Variants in PSMD1 observed in about 807,000 individuals in gnomAD.
The protein encoded by PSMD1 is proteasome 26S subunit, non-ATPase 1, also known as 26S proteasome non-ATPase regulatory subunit 1.
In PSMD1, 18 loss-of-function variants were observed where a neutral mutation model predicts 119.0. The ratio of observed to expected loss-of-function variants is 0.15; its 90% CI spans 0.10 to 0.22. The LOEUF is 0.22. Among genes scored for constraint, PSMD1 ranks in the 10% least tolerant of loss-of-function variants. The probability of loss-of-function intolerance (pLI) is 1.00; values close to 1 mark genes in which losing one functional copy is unlikely to be tolerated. For missense variants in PSMD1, 702 were observed against 1,158.5 expected (o/e 0.61, Z 5.72); for synonymous variants, 374 against 396.6 (o/e 0.94, Z 0.68).
chr2:231,109,385 T>C, intron 16 of PSMD1: 1 of 1,613,962 alleles, frequency 6.2e-7, no homozygotes, highest in Non-Finnish European at 8.5e-7. Context: ...CTCTATCCCT[T>C]TAATAGGGAC....
At chr2:231,070,526 A>G (rs1271377608) in intron 6 of PSMD1, among the ~76,000 whole-genome samples, 1 of 152,136 alleles carries the variant, frequency 6.6e-6, no homozygotes, top group East Asian at 1.9e-4. Context: ...AAGAGAATTC[A>G]AAGTGTATAA....
intron 16 of PSMD1, among the ~76,000 whole-genome samples, chr2:231,087,632 A>C (rs1262159378): frequency 6.6e-6 from 1 of 152,144 alleles, no homozygotes; most frequent in Non-Finnish European, 1.5e-5. Flanking sequence ...ATAGTCATGG[A>C]GATGTCCTTG....
At chr2:231,133,021 T>C (rs1473899122) in intron 16 of PSMD1, among the ~76,000 whole-genome samples, 1 of 152,202 alleles carries the variant, frequency 6.6e-6, no homozygotes, top group East Asian at 1.9e-4. Flanking sequence ...TTTATTCCTT[T>C]CTTTGTGGGT....
chr2:231,087,702 C>T (rs1033107510), intron 16 of PSMD1, among the ~76,000 whole-genome samples: 1 of 152,110 alleles, frequency 6.6e-6, no homozygotes, highest in Admixed American at 6.6e-5. Context: ...GTAGCTCATG[C>T]CTGTAATCCC....
In PSMD1 at chr2:231,074,295, G is replaced by A. The variant is rs1375462638; in HGVS notation, c.882-1216G>A. On this transcript the variant is annotated intron_variant, in intron 7 of 24. Transcript: ENST00000308696. ...TAATTTTTATATTGTTAGTAGAGAC[G>A]GAGTTTCACCATATTGGCCAGGCTG... is the stretch of plus-strand genomic sequence containing the variant. Among the ~76,000 whole-genome samples the A allele has an allele frequency of 3.3e-5, 5 of 151,952 alleles. No homozygotes were observed. In the East Asian group the frequency reaches 5.8e-4, roughly 18 times the overall value.
intron 18 of PSMD1, among the ~76,000 whole-genome samples, chr2:231,146,848 C>G (rs1449433837): frequency 6.6e-6 from 1 of 152,128 alleles, no homozygotes; most frequent in African/African-American, 2.4e-5. Flanking sequence ...CATTGCCCTC[C>G]TAGGCGATCT....
At chr2:231,151,803 ATTTTTTTTTTTT>A (rs57347945) in intron 18 of PSMD1, among the ~76,000 whole-genome samples, 5 of 95,674 alleles carry the variant, frequency 5.2e-5, no homozygotes, top group African/African-American at 2.6e-4. Context: ...AAACATGAGA[ATTTTTTTTTTTT>A]TTTTTTTTTT....
chr2:231,057,474 A>G (rs1277447845), intron 1 of PSMD1, among the ~76,000 whole-genome samples: 1 of 152,200 alleles, frequency 6.6e-6, no homozygotes, highest in Admixed American at 6.5e-5. Flanking sequence ...CCTAACTGCT[A>G]CAGAAGTGTT....
chr2:231,075,592 T>C (rs773102425), intron 8 of PSMD1, 21 bp downstream of exon 8: 73 of 1,594,778 alleles, frequency 4.6e-5, no homozygotes, highest in Non-Finnish European at 5.7e-5. Flanking sequence ...TTTTTTTTTT[T>C]CCTTTGAGAC....
chr2:231,082,239 A>T (rs1161665555), intron 12 of PSMD1, among the ~76,000 whole-genome samples: 1 of 151,644 alleles, frequency 6.6e-6, no homozygotes, highest in Non-Finnish European at 1.5e-5. Context: ...ATTTATGTTT[A>T]TTTTTTTGTA....
chr2:231,085,487 G>C (rs1033194860), intron 15 of PSMD1, among the ~76,000 whole-genome samples: 1 of 152,216 alleles, frequency 6.6e-6, no homozygotes, highest in Non-Finnish European at 1.5e-5. Context: ...ACAGCCGGTA[G>C]AGTTAGCTTC....
In PSMD1 at chr2:231,151,803, A is replaced by T. The variant is rs74269081; in HGVS notation, c.2116-1761A>T. Reference sequence around the variant, plus strand: ...CAGAATAAAAGCGTCAAACATGAGAATTTTTTTTTTTTTTTTTTTTTTTTT... The same window carrying T: ...CAGAATAAAAGCGTCAAACATGAGATTTTTTTTTTTTTTTTTTTTTTTTTT... On this transcript the variant is annotated intron_variant, in intron 18 of 24. Coordinates refer to ENST00000308696, the MANE Select transcript of PSMD1 (RefSeq NM_002807.4). Among the ~76,000 whole-genome samples, 631 of 95,664 alleles carry T rather than the reference A, an allele frequency of 6.6e-3. 2 individuals carry two copies. Among genetic ancestry groups the T allele is most frequent in the East Asian group, 0.023 (67 of 2,948 alleles). 62.8% of individuals were successfully genotyped at this position (95,664 alleles called of 152,430 possible).
intron 1 of PSMD1, 148 bp downstream of exon 1, chr2:231,057,189 G>C: frequency 9.8e-7 from 1 of 1,025,160 alleles, no homozygotes. Context: ...CGGGCCGGGG[G>C]GCTGGGAGTC....
chr2:231,154,686 C>T (rs1696447414), intron 19 of PSMD1, among the ~76,000 whole-genome samples: 1 of 152,170 alleles, frequency 6.6e-6, no homozygotes. Flanking sequence ...TCAGGCTTGT[C>T]TTGAACTCCT....
At chr2:231,060,765 A>T (rs1423665759) in intron 1 of PSMD1, among the ~76,000 whole-genome samples, 1 of 152,246 alleles carries the variant, frequency 6.6e-6, no homozygotes, top group Non-Finnish European at 1.5e-5. Context: ...TGTTGATTTG[A>T]TGACTAAATG....
intron 22 of PSMD1, 87 bp from the exon 23 acceptor site, chr2:231,165,784 T>G: frequency 8.3e-7 from 1 of 1,199,202 alleles, no homozygotes; most frequent in East Asian, 2.5e-5. Flanking sequence ...TTGTACCTTA[T>G]AGCTGCTCAG....
intron 16 of PSMD1, among the ~76,000 whole-genome samples, chr2:231,098,441 G>A (rs1310534431): frequency 2.0e-5 from 3 of 149,854 alleles, no homozygotes; most frequent in Non-Finnish European, 4.5e-5. Flanking sequence ...TTGTCTCTCT[G>A]TCTCTTTCTC....
At position 231,108,588 on chromosome 2, in the gene PSMD1, T is replaced by A. The variant is rs772206074; in HGVS notation, c.1883+21407T>A. On this transcript the variant is annotated intron_variant, in intron 16 of 24. Transcript: ENST00000308696. ...GTGAGGAGAAGCGTATCTAGTAGAATGATTGATGAAGACTGAATGGTTGAA... is the reference window on the plus strand; with the variant it reads ...GTGAGGAGAAGCGTATCTAGTAGAAAGATTGATGAAGACTGAATGGTTGAA... 5.6e-6 allele frequency: 9 copies of A among 1,614,012 alleles called. No individual in the cohort carries two copies. The East Asian group carries it at 2.0e-4, about 36-fold the overall frequency.
intron 16 of PSMD1, chr2:231,123,527 A>G (rs1216636033): frequency 1.2e-6 from 2 of 1,614,026 alleles, no homozygotes; most frequent in African/African-American, 1.3e-5. Context: ...TTCTCCAGTG[A>G]AACAGCCAGA....
Sources: allele counts gnomAD v4.1 joint callset (sites outside exome capture counted in the v4.1 genomes callset), GRCh38; gene constraint gnomAD v4.1.1; transcripts MANE v1.5; gene names NCBI Gene and HGNC (gene_info 2026-07-23, HGNC 2026-07-21).